The following GABRG3 variants were observed in gnomAD, a reference collection of about 807,000 sequenced individuals.
The protein encoded by GABRG3 is gamma-aminobutyric acid receptor subunit gamma-3.
In GABRG3, 25 loss-of-function variants were observed where a neutral mutation model predicts 48.8. That is an observed-to-expected ratio of 0.51 (90% CI 0.37 to 0.72). The LOEUF is 0.72. GABRG3 is among the 30% of genes least tolerant of loss of function. The pLI, the probability that GABRG3 is intolerant of heterozygous loss-of-function variation, is 0.00. For missense variants in GABRG3, 394 were observed against 577.9 expected (o/e 0.68, Z 3.26); for synonymous variants, 227 against 217.6 (o/e 1.04, Z -0.38).
At chr15:27,214,984 G>C (rs983211764) in intron 3 of GABRG3, among the ~76,000 whole-genome samples, 8 of 152,160 alleles carry the variant, frequency 5.3e-5, no homozygotes, top group Non-Finnish European at 1.2e-4. Flanking sequence ...TAGTATCGTC[G>C]TTGGTATTGT....
intron 7 of GABRG3, among the ~76,000 whole-genome samples, chr15:27,522,176 C>T (rs1030880103): frequency 2.0e-5 from 3 of 151,852 alleles, no homozygotes; most frequent in African/African-American, 7.2e-5. Flanking sequence ...TCTTCATGTG[C>T]AATAATGGAG....
chr15:27,369,194 C>A (rs1895312550), intron 5 of GABRG3, among the ~76,000 whole-genome samples: 1 of 152,080 alleles, frequency 6.6e-6, no homozygotes, highest in African/African-American at 2.4e-5. Flanking sequence ...AGCTTTATAC[C>A]ATAGATGTTC....
At chr15:27,374,244 C>T (rs940395713) in intron 5 of GABRG3, among the ~76,000 whole-genome samples, 1 of 150,520 alleles carries the variant, frequency 6.6e-6, no homozygotes, top group African/African-American at 2.5e-5. Flanking sequence ...GTGATCCCCC[C>T]ACAACAGCCT....
intron 5 of GABRG3, among the ~76,000 whole-genome samples, chr15:27,361,601 G>A (rs998850995): frequency 5.3e-5 from 8 of 152,148 alleles, no homozygotes; most frequent in African/African-American, 1.4e-4. Context: ...TGGAGACCTC[G>A]CCTGTTGGCT....
At position 27,307,463 on chromosome 15, in the gene GABRG3, A is replaced by G. The variant is rs192485712; in HGVS notation, c.271-19346A>G. The stretch of plus-strand genomic sequence containing the variant: ...TATATATAAACATATAGGTTTATAT[A>G]TTTATATATAAACATAGGTTTATAG... On this transcript the variant is annotated intron_variant, in intron 3 of 9. Coordinates refer to ENST00000615808, the MANE Select transcript of GABRG3 (RefSeq NM_033223.5). Among the ~76,000 whole-genome samples the G allele has an allele frequency of 7.3e-4, 49 of 66,938 alleles. 4 individuals are homozygous for G. The highest frequency in any genetic ancestry group is 2.4e-3 in the African/African-American group (39 of 16,192). The allele number at this position is 66,938 out of a possible 152,430, so 43.9% of individuals were successfully genotyped here. A position where few individuals can be genotyped will look rare whatever the true frequency, so the allele number is the denominator to read the frequency against.
At chr15:27,474,815 C>T (rs1276301622) in intron 5 of GABRG3, among the ~76,000 whole-genome samples, 1 of 152,104 alleles carries the variant, frequency 6.6e-6, no homozygotes, top group African/African-American at 2.4e-5. Flanking sequence ...CACCTCCCTA[C>T]TCTTGAGAAA....
chr15:27,481,879 T>C (rs761741840), intron 6 of GABRG3, among the ~76,000 whole-genome samples: 1 of 152,178 alleles, frequency 6.6e-6, no homozygotes, highest in Non-Finnish European at 1.5e-5. Context: ...CCTACCTTAG[T>C]AATGTAATTC....
At chr15:26,986,304 G>A (rs117020886) in intron 2 of GABRG3, among the ~76,000 whole-genome samples, 1,960 of 152,314 alleles carry the variant, frequency 0.013, 9 homozygotes, top group Middle Eastern at 0.024. Flanking sequence ...TTACTGTAGA[G>A]TTAGTTAACT....
At chr15:27,224,548 A>C (rs1246472970) in intron 3 of GABRG3, among the ~76,000 whole-genome samples, 2 of 152,130 alleles carry the variant, frequency 1.3e-5, no homozygotes, top group Non-Finnish European at 2.9e-5. Context: ...GATGTCATGC[A>C]AGGCATCCTC....
At chr15:27,187,627 C>T (rs1287774142) in intron 3 of GABRG3, among the ~76,000 whole-genome samples, 1 of 152,020 alleles carries the variant, frequency 6.6e-6, no homozygotes, top group Non-Finnish European at 1.5e-5. Context: ...TATTACTTCC[C>T]TAGTTAGCTA....
intron 3 of GABRG3, among the ~76,000 whole-genome samples, chr15:27,173,480 A>G (rs556427115): frequency 6.6e-6 from 1 of 152,278 alleles, no homozygotes; most frequent in African/African-American, 2.4e-5. Context: ...CTCGCTCCAA[A>G]ATATTTTAAG....
intron 3 of GABRG3, among the ~76,000 whole-genome samples, chr15:27,323,955 CA>C (rs1227636391): frequency 6.6e-6 from 1 of 152,184 alleles, no homozygotes; most frequent in African/African-American, 2.4e-5. Flanking sequence ...AGGAGTGGCA[CA>C]TACCACTCTG....
chr15:27,426,290 C>T (rs1010830711), intron 5 of GABRG3, among the ~76,000 whole-genome samples: 2 of 152,114 alleles, frequency 1.3e-5, no homozygotes, highest in African/African-American at 2.4e-5. Context: ...TTTGTTAAGC[C>T]TGGTTTATAA....
At position 26,975,114 on chromosome 15, in the gene GABRG3, T is replaced by G. The variant is rs1387397047; in HGVS notation, c.54-1888T>G. 3.9e-5 allele frequency among the ~76,000 whole-genome samples: 6 copies of G among 152,068 alleles called. No homozygotes were observed. Among genetic ancestry groups the G allele is most frequent in the Non-Finnish European group, 8.8e-5 (6 of 68,008 alleles). ...CTGGTCTGGAACTCCTGACCTCAGATGACCCACCCGCCTTGGCTTCCCAAA... is the reference window on the plus strand; with the variant it reads ...CTGGTCTGGAACTCCTGACCTCAGAGGACCCACCCGCCTTGGCTTCCCAAA... On this transcript the variant is annotated intron_variant, in intron 1 of 9. Transcript: ENST00000615808. This position sits in a 1 kb window ranked among gnomAD's most constrained non-coding sequence, Gnocchi z 4.6.
chr15:27,073,402 T>A (rs1896859436), intron 3 of GABRG3, among the ~76,000 whole-genome samples: 1 of 152,232 alleles, frequency 6.6e-6, no homozygotes, highest in Non-Finnish European at 1.5e-5. Flanking sequence ...TTGCTTCTGC[T>A]TCATAGTGGC....
At chr15:27,335,304 G>C (rs1197881087) in intron 5 of GABRG3, among the ~76,000 whole-genome samples, 2 of 152,126 alleles carry the variant, frequency 1.3e-5, no homozygotes, top group East Asian at 3.9e-4. Context: ...AATTCTCTGA[G>C]GAAATGACAA....
intron 3 of GABRG3, among the ~76,000 whole-genome samples, chr15:27,266,128 C>A (rs534442756): frequency 2.1e-4 from 32 of 152,242 alleles, no homozygotes; most frequent in African/African-American, 7.7e-4. Flanking sequence ...GATCTGCCCG[C>A]CTCAGCCTCC....
At chr15:27,267,785 T>C (rs1890967075) in intron 3 of GABRG3, among the ~76,000 whole-genome samples, 1 of 152,242 alleles carries the variant, frequency 6.6e-6, no homozygotes, top group African/African-American at 2.4e-5. Flanking sequence ...TTGATATGAT[T>C]ATATGCTTTC....
chr15:27,538,949 T>C lies in GABRG3; in HGVS notation c.*6068T>C, dbSNP rs551927640. On this transcript the variant is annotated 3_prime_UTR_variant, in exon 10 of 10. Coordinates refer to ENST00000615808, the MANE Select transcript of GABRG3 (RefSeq NM_033223.5). ...CGAGCCCACAGCACAATTATTGCAG[T>C]CCCCAAGATGTCAGTCTTCTCAAAA... 4 of 152,300 alleles carry C rather than the reference T, an allele frequency of 2.6e-5. No homozygotes were observed. The highest frequency in any genetic ancestry group is 2.0e-4 in the Admixed American group (3 of 15,296). 9.4% of individuals were successfully genotyped at this position (152,300 alleles called of 1,614,324 possible).
Sources: gnomAD v4.1 joint callset for allele counts (sites outside exome capture counted in the v4.1 genomes callset) on GRCh38, gnomAD v4.1.1 for gene constraint, Gnocchi (gnomAD v3.1) non-coding constraint, MANE v1.5 for transcripts, NCBI Gene and HGNC (gene_info 2026-07-23, HGNC 2026-07-21) for gene names.